The following EVI5 variants were observed in gnomAD, a reference collection of about 807,000 sequenced individuals.
The protein encoded by EVI5 is ecotropic viral integration site 5 protein homolog.
A neutral mutation model predicts 112.0 loss-of-function variants in EVI5; 73 were observed. That is an observed-to-expected ratio of 0.65 (90% CI 0.54 to 0.79). The LOEUF is 0.79. EVI5 is among the 30% of genes least tolerant of loss of function. EVI5 has a pLI of 0.00. For synonymous variants in EVI5, 305 were observed against 319.9 expected (o/e 0.95, Z 0.50); for missense variants, 900 against 968.8 (o/e 0.93, Z 0.94).
chr1:92,595,638 T>C (rs1647578009), intron 18 of EVI5, among the ~76,000 whole-genome samples: 1 of 151,826 alleles, frequency 6.6e-6, no homozygotes, highest in South Asian at 2.1e-4. Context: ...TGGAGGAAAA[T>C]GAGATGACAG....
chr1:92,514,060 G>T, intron 19 of EVI5, 90 bp from the exon 20 acceptor site: 1 of 760,310 alleles, frequency 1.3e-6, no homozygotes, highest in East Asian at 2.7e-5. Flanking sequence ...GGAAGAAGAT[G>T]CCTTATTATT....
intron 14 of EVI5, among the ~76,000 whole-genome samples, chr1:92,635,574 C>T (rs1305943275): frequency 6.6e-6 from 1 of 152,140 alleles, no homozygotes; most frequent in African/African-American, 2.4e-5. Flanking sequence ...AGGTGCCGTC[C>T]ATCACCCCTT....
intron 19 of EVI5, among the ~76,000 whole-genome samples, chr1:92,545,268 G>T (rs1467623017): frequency 6.6e-6 from 1 of 151,874 alleles, no homozygotes; most frequent in Non-Finnish European, 1.5e-5. Context: ...GAGAGACAGG[G>T]TCTTGCTTTG....
chr1:92,640,482 C>G (rs906583386), intron 13 of EVI5, among the ~76,000 whole-genome samples: 2 of 151,942 alleles, frequency 1.3e-5, no homozygotes, highest in Admixed American at 6.6e-5. Context: ...GACATTTACA[C>G]GGCCAAAAAA....
At chr1:92,696,398 G>C (rs1210093338) in intron 6 of EVI5, among the ~76,000 whole-genome samples, 1 of 152,036 alleles carries the variant, frequency 6.6e-6, no homozygotes, top group Non-Finnish European at 1.5e-5. Context: ...AAGATCACTT[G>C]AGCTCAGGAG....
chr1:92,605,309 G>A lies in EVI5; in HGVS notation c.2068C>T (p.Gln690Ter), dbSNP rs200192259. The A allele has an allele frequency of 4.0e-5, 64 of 1,599,614 alleles. No homozygotes were observed. Among genetic ancestry groups the A allele is most frequent in the South Asian group, 7.7e-5 (7 of 90,592 alleles). The change falls in exon 18 of 20, where the codon CAG becomes TAG. Residue 690 changes from glutamine (Q) to a stop codon, truncating the protein, a stop_gained and splice_region_variant. Transcript: ENST00000684568. LOFTEE classifies it high-confidence loss of function. ...LRQHIAELEI[Q>*]KEEGKLQGQL... ...ACTTTATTATTTTCATATGGTACCT[G>A]GATTTCAAGCTCAGCAATGTGTTGT...
intron 4 of EVI5, 97 bp downstream of exon 4, chr1:92,703,298 T>G: frequency 1.4e-6 from 1 of 720,704 alleles, no homozygotes; most frequent in Non-Finnish European, 2.2e-6. Flanking sequence ...AAGCAACTGA[T>G]TATTGTGGTG....
At chr1:92,748,923 G>T (rs1360741969) in intron 1 of EVI5, among the ~76,000 whole-genome samples, 1 of 151,950 alleles carries the variant, frequency 6.6e-6, no homozygotes, top group Non-Finnish European at 1.5e-5. Context: ...AAAATTAGCT[G>T]GGCGTGGTGG....
chr1:92,714,074 A>G lies in EVI5; in HGVS notation c.150-9330T>C, dbSNP rs960895902. 5.1e-6 allele frequency: 5 copies of G among 980,542 alleles called. No homozygotes were observed. The East Asian group carries it at 3.4e-4, about 67-fold the overall frequency. The allele number at this position is 980,542 out of a possible 1,614,324, so 60.7% of individuals were successfully genotyped here. ...AAAGCACATTTAACACACAAGGGGG[A>G]AAAAAAACTATCCGATTTCAACTTT... On this transcript the variant is annotated intron_variant, in intron 2 of 19. Coordinates refer to ENST00000684568, the MANE Select transcript of EVI5 (RefSeq NM_001350197.2).
At chr1:92,554,068 T>C (rs1372596125) in intron 19 of EVI5, among the ~76,000 whole-genome samples, 1 of 152,220 alleles carries the variant, frequency 6.6e-6, no homozygotes, top group African/African-American at 2.4e-5. Context: ...ATTTAAAAGC[T>C]ACAATGCTAG....
intron 18 of EVI5, among the ~76,000 whole-genome samples, chr1:92,602,730 T>C (rs1241860036): frequency 6.6e-6 from 1 of 152,150 alleles, no homozygotes; most frequent in Non-Finnish European, 1.5e-5. Flanking sequence ...TTTTAAAGCT[T>C]TGAATTTTCT....
intron 19 of EVI5, among the ~76,000 whole-genome samples, chr1:92,548,345 T>A (rs1666150506): frequency 6.6e-6 from 1 of 152,212 alleles, no homozygotes; most frequent in Admixed American, 6.5e-5. Flanking sequence ...ATTGGACGTA[T>A]CTCAAAATAA....
intron 14 of EVI5, among the ~76,000 whole-genome samples, chr1:92,627,299 AAT>A (rs1226496782): frequency 6.6e-6 from 1 of 152,230 alleles, no homozygotes; most frequent in Non-Finnish European, 1.5e-5. Context: ...CACTTAGAAT[AAT>A]AGTCTCCAAT....
At chr1:92,545,639 C>T (rs1225180155) in intron 19 of EVI5, among the ~76,000 whole-genome samples, 2 of 152,086 alleles carry the variant, frequency 1.3e-5, no homozygotes, top group Admixed American at 1.3e-4. Flanking sequence ...AAAACACAAT[C>T]AAGAAAGTAA....
intron 3 of EVI5, 47 bp from the exon 4 acceptor site, chr1:92,703,666 T>A (rs1164543805): frequency 8.4e-7 from 1 of 1,191,456 alleles, no homozygotes; most frequent in Non-Finnish European, 1.2e-6. Context: ...AAGTGTCCTA[T>A]CTTGCAAGCC....
chr1:92,607,524 A>C (rs1327587127), intron 17 of EVI5, 57 bp downstream of exon 17: 7 of 1,146,614 alleles, frequency 6.1e-6, no homozygotes, highest in South Asian at 3.4e-5. Context: ...TAAAACAAAC[A>C]AAAAAAAGGC....
intron 19 of EVI5, among the ~76,000 whole-genome samples, chr1:92,519,971 T>C (rs779682018): frequency 6.6e-6 from 1 of 151,122 alleles, no homozygotes; most frequent in Non-Finnish European, 1.5e-5. Context: ...GATTCCATTA[T>C]ATGAAATGTC....
chr1:92,686,681 A>C (rs1007970494), intron 9 of EVI5, among the ~76,000 whole-genome samples: 1 of 152,250 alleles, frequency 6.6e-6, no homozygotes, highest in Non-Finnish European at 1.5e-5. Context: ...TAAGCTGATA[A>C]ACAACTTCAG....
chr1:92,644,620 A>C (rs1484143807), intron 13 of EVI5, among the ~76,000 whole-genome samples: 1 of 152,196 alleles, frequency 6.6e-6, no homozygotes, highest in Non-Finnish European at 1.5e-5. Flanking sequence ...TGACTTGCCT[A>C]ATAAGCACTT....
Sources: gnomAD v4.1 joint callset for allele counts (sites outside exome capture counted in the v4.1 genomes callset) on GRCh38, gnomAD v4.1.1 for gene constraint, MANE v1.5 for transcripts, NCBI Gene and HGNC (gene_info 2026-07-23, HGNC 2026-07-21) for gene names.